RBFOX1: variants seen among roughly 807,000 people sequenced by gnomAD.
RBFOX1 encodes the protein RNA binding fox-1 homolog 1, also known as RNA binding protein fox-1 homolog 1.
A neutral mutation model predicts 57.7 loss-of-function variants in RBFOX1; 8 were observed. The observed-to-expected ratio is 0.14, with a 90% CI of 0.08 to 0.25. The LOEUF is 0.25. Ranked by LOEUF, RBFOX1 falls within the 10% of genes least tolerant of loss-of-function variation. The probability of loss-of-function intolerance (pLI) is 1.00; values close to 1 mark genes in which losing one functional copy is unlikely to be tolerated. For synonymous variants in RBFOX1, 326 were observed against 222.4 expected (o/e 1.47, Z -4.15); for missense variants, 611 against 548.5 (o/e 1.11, Z -1.14).
intron 6 of RBFOX1, among the ~76,000 whole-genome samples, chr16:7,585,889 T>C (rs1478491969): frequency 6.6e-6 from 1 of 152,120 alleles, no homozygotes; most frequent in South Asian, 2.1e-4. Context: ...TGTGTGGTCT[T>C]TTTGTTTGTT....
intron 4 of RBFOX1, among the ~76,000 whole-genome samples, chr16:7,197,075 T>A (rs544968144): frequency 6.6e-6 from 1 of 152,306 alleles, no homozygotes. Context: ...GCTAGACACC[T>A]GAACACATGT....
chr16:7,709,090 C>G lies in RBFOX1; in HGVS notation c.1030C>G (p.His344Asp), dbSNP rs765011718. The G allele has an allele frequency of 6.2e-7, 1 of 1,613,596 alleles. No homozygotes were observed. The highest frequency in any genetic ancestry group is 8.5e-7 in the Non-Finnish European group (1 of 1,179,748). ...AGTTTATGCTGCCGACCCCTACCACCACGCACTTGCTCCAGCCCCCACCTA... is the reference window on the plus strand; with the variant it reads ...AGTTTATGCTGCCGACCCCTACCACGACGCACTTGCTCCAGCCCCCACCTA... The part of the protein sequence containing the change: ...GRVYAADPYH[H>D]ALAPAPTYGV... Residue 344 changes from histidine to aspartate, a missense_variant, in exon 15 of 16, where the codon CAC (histidine) becomes GAC (aspartate). Physicochemically the swap from His to Asp is moderately conservative, Grantham distance 81 (BLOSUM62 -1). Coordinates refer to ENST00000550418, the MANE Select transcript of RBFOX1 (RefSeq NM_018723.4).
intron 2 of RBFOX1, among the ~76,000 whole-genome samples, chr16:6,629,208 G>T (rs2098351460): frequency 1.3e-5 from 2 of 152,180 alleles, no homozygotes; most frequent in African/African-American, 4.8e-5. Flanking sequence ...TGTGATGGAA[G>T]TTCTTCTGTA....
intron 3 of RBFOX1, among the ~76,000 whole-genome samples, chr16:6,747,663 C>A (rs1260621522): frequency 6.6e-6 from 1 of 152,126 alleles, no homozygotes. Context: ...TCCCACACCA[C>A]CCCTACTATG....
At chr16:7,662,443 TGA>T (rs753528456) in intron 12 of RBFOX1, among the ~76,000 whole-genome samples, 3 of 152,180 alleles carry the variant, frequency 2.0e-5, no homozygotes, top group Non-Finnish European at 4.4e-5. Context: ...GGTAAAGCAA[TGA>T]CTCAATCTCC....
chr16:6,915,550 C>CT lies in RBFOX1; in HGVS notation c.-15-136489dup, dbSNP rs141753685. 6.5e-3 allele frequency among the ~76,000 whole-genome samples: 804 copies of CT among 123,494 alleles called. 13 individuals are homozygous for CT. The highest frequency in any genetic ancestry group is 0.034 in the Middle Eastern group (8 of 238). The allele number at this position is 123,494 out of a possible 152,430, so 81.0% of individuals were successfully genotyped here. ...TCTAAGTCCTCACCCCCACACCCCC[C>CT]TTTTTTTTTTTTTTTTTTGACACAG... On this transcript the variant is annotated intron_variant, in intron 3 of 15. Transcript: ENST00000550418.
intron 4 of RBFOX1, among the ~76,000 whole-genome samples, chr16:7,430,370 T>C (rs1389170265): frequency 6.6e-6 from 1 of 152,156 alleles, no homozygotes; most frequent in Admixed American, 6.5e-5. Flanking sequence ...TTAAAAATGG[T>C]ACCCACCTAG....
chr16:6,578,742 C>T (rs1252120149), intron 2 of RBFOX1, among the ~76,000 whole-genome samples: 4 of 151,818 alleles, frequency 2.6e-5, no homozygotes, highest in Non-Finnish European at 4.4e-5. Context: ...TCAGTTATCC[C>T]AAGTTTTAGT....
intron 4 of RBFOX1, among the ~76,000 whole-genome samples, chr16:7,401,802 T>A (rs2098248675): frequency 6.6e-6 from 1 of 152,148 alleles, no homozygotes; most frequent in Non-Finnish European, 1.5e-5. Flanking sequence ...CCAGCTTCTA[T>A]AAGATGATAT....
At chr16:6,923,191 T>C (rs1370638238) in intron 3 of RBFOX1, among the ~76,000 whole-genome samples, 1 of 152,144 alleles carries the variant, frequency 6.6e-6, no homozygotes, top group Non-Finnish European at 1.5e-5. Flanking sequence ...CTCCTGGTCT[T>C]CAGTTGCCTG....
At chr16:6,332,183 A>G (rs1339423629) in intron 2 of RBFOX1, among the ~76,000 whole-genome samples, 1 of 152,224 alleles carries the variant, frequency 6.6e-6, no homozygotes. Context: ...TTGAGGAAGA[A>G]TAATTGAATG....
chr16:5,930,467 T>G (rs1240814008), intron 4 of RBFOX1, among the ~76,000 whole-genome samples: 1 of 18,426 alleles, frequency 5.4e-5, no homozygotes, highest in Non-Finnish European at 9.3e-5. Context: ...GGTGGGAGGG[T>G]GTGTATGTGG....
intron 1 of RBFOX1, among the ~76,000 whole-genome samples, chr16:6,037,054 G>A (rs781157973): frequency 3.9e-5 from 6 of 152,170 alleles, no homozygotes; most frequent in African/African-American, 7.2e-5. Context: ...ATGAAGGATT[G>A]GGGTGCAACT....
intron 1 of RBFOX1, among the ~76,000 whole-genome samples, chr16:5,413,406 T>A (rs1196588763): frequency 6.6e-6 from 1 of 152,200 alleles, no homozygotes; most frequent in Non-Finnish European, 1.5e-5. Flanking sequence ...CAGCATCCAA[T>A]ACATATCCGT....
chr16:7,151,098 A>C (rs907220044), intron 4 of RBFOX1, among the ~76,000 whole-genome samples: 2 of 152,134 alleles, frequency 1.3e-5, no homozygotes, highest in African/African-American at 4.8e-5. Context: ...TACTTTCAGG[A>C]ACTGTTTTAT....
intron 1 of RBFOX1, among the ~76,000 whole-genome samples, chr16:6,248,849 T>A (rs981595984): frequency 6.6e-6 from 1 of 152,064 alleles, no homozygotes; most frequent in Non-Finnish European, 1.5e-5. Flanking sequence ...ATTAAATACG[T>A]CAACACATGA....
chr16:5,428,160 G>A (rs1306649106), intron 1 of RBFOX1, among the ~76,000 whole-genome samples: 2 of 151,750 alleles, frequency 1.3e-5, no homozygotes, highest in Non-Finnish European at 2.9e-5. Flanking sequence ...GTGTGTATGT[G>A]CATACACACA....
At chr16:5,815,080 T>G (rs1313983615) in intron 3 of RBFOX1, among the ~76,000 whole-genome samples, 4 of 151,794 alleles carry the variant, frequency 2.6e-5, no homozygotes, top group Non-Finnish European at 5.9e-5. Flanking sequence ...ACCTCCTGGG[T>G]TCAACAATCC....
In RBFOX1 at chr16:6,704,328, C is replaced by G. The variant is rs2062350995; in HGVS notation, c.-16+49678C>G. ...AGCTAAAACAGAAATTCAGACCCCA[C>G]TTTGTAGACACAATGGCTCAGATTT... On this transcript the variant is annotated intron_variant, in intron 3 of 15. Transcript: ENST00000550418. 1.3e-5 allele frequency: 2 copies of G among 152,246 alleles called. 1 individual carries two copies. Among genetic ancestry groups the G allele is most frequent in the South Asian group, 4.1e-4 (2 of 4,828 alleles). The allele number at this position is 152,246 out of a possible 1,614,324, so 9.4% of individuals were successfully genotyped here.
Sources: gnomAD v4.1 joint callset for allele counts (sites outside exome capture counted in the v4.1 genomes callset) on GRCh38, gnomAD v4.1.1 for gene constraint, MANE v1.5 for transcripts, NCBI Gene and HGNC (gene_info 2026-07-23, HGNC 2026-07-21) for gene names.